ANO1: variants seen among roughly 807,000 people sequenced by gnomAD.
ANO1 encodes the protein anoctamin 1, also known as anoctamin-1.
A neutral mutation model predicts 124.0 loss-of-function variants in ANO1; 59 were observed. That is an observed-to-expected ratio of 0.48 (90% CI 0.39 to 0.59). The LOEUF (loss-of-function observed/expected upper bound fraction) is 0.59. Ranked by LOEUF, ANO1 falls within the 20% of genes least tolerant of loss-of-function variation. The probability of loss-of-function intolerance (pLI) is 0.00; values close to 1 mark genes in which losing one functional copy is unlikely to be tolerated. For missense variants in ANO1, 1,059 were observed against 1,328.0 expected, an observed-to-expected ratio of 0.80 and a Z score of 3.15; for synonymous variants, 529 against 532.0, an observed-to-expected ratio of 0.99 and a Z score of 0.08.
At chr11:70,152,379 C>T (rs2135647411) in intron 12 of ANO1, 71 bp from the exon 13 acceptor site, 2 of 1,303,868 alleles carry the variant, frequency 1.5e-6, no homozygotes, top group Admixed American at 1.9e-5. Flanking sequence ...TGGACAGGTC[C>T]TATTTCTAAA....
At chr11:70,112,882 A>G (rs2045843170) in intron 7 of ANO1, among the ~76,000 whole-genome samples, 1 of 152,168 alleles carries the variant, frequency 6.6e-6, no homozygotes, top group Non-Finnish European at 1.5e-5. Flanking sequence ...CTTGAGGAAG[A>G]AACAATGGAT....
intron 1 of ANO1, among the ~76,000 whole-genome samples, chr11:70,029,368 T>C (rs1555003555): frequency 1.3e-5 from 2 of 152,176 alleles, no homozygotes; most frequent in African/African-American, 4.8e-5. Flanking sequence ...GCTGACTCAT[T>C]CACAGCCCTC....
In ANO1 at chr11:70,065,684, C is replaced by T. The variant is rs138603726; in HGVS notation, c.59-12858C>T. 7.2e-4 allele frequency among the ~76,000 whole-genome samples: 110 copies of T among 152,242 alleles called. 1 individual carries two copies. Among genetic ancestry groups the T allele is most frequent in the African/African-American group, 2.5e-3 (102 of 41,528 alleles). On this transcript the variant is annotated intron_variant, in intron 1 of 27. Transcript: ENST00000531349. Reference sequence around the variant, plus strand: ...CAACCTCCTCTCTGCCCTTGTCCCCCGTCGTCCCCCTAGCTGGAGGGTGCC... The same window carrying T: ...CAACCTCCTCTCTGCCCTTGTCCCCTGTCGTCCCCCTAGCTGGAGGGTGCC...
At chr11:70,088,377 G>C (rs1340201516) in intron 2 of ANO1, among the ~76,000 whole-genome samples, 1 of 151,936 alleles carries the variant, frequency 6.6e-6, no homozygotes, top group African/African-American at 2.4e-5. Context: ...GGGCATGGTG[G>C]CATGTGTCTG....
chr11:70,161,428 G>A, intron 17 of ANO1, 66 bp downstream of exon 17: 3 of 1,551,326 alleles, frequency 1.9e-6, no homozygotes, highest in African/African-American at 2.7e-5. Flanking sequence ...GCCTCTTGCT[G>A]TGCATCCTTG....
In ANO1 at chr11:70,024,793, G is replaced by A. The variant is rs151113544; in HGVS notation, c.58+38627G>A. Among the ~76,000 whole-genome samples, 397 of 152,100 alleles carry A rather than the reference G, an allele frequency of 2.6e-3. 1 individual carries two copies. The highest frequency in any genetic ancestry group is 3.9e-3 in the Non-Finnish European group (268 of 67,980). ...TGGACAGACATAGGCGGATCCCACC[G>A]CCCGAGCTGCCTCCCCTGAAAGGAG... On this transcript the variant is annotated intron_variant, in intron 1 of 27. Coordinates refer to the ANO1 transcript ENST00000531349.
At chr11:70,114,279 T>TA (rs1215137861) in intron 7 of ANO1, among the ~76,000 whole-genome samples, 6 of 152,218 alleles carry the variant, frequency 3.9e-5, no homozygotes, top group Admixed American at 3.9e-4. Flanking sequence ...GGGTGGCAGG[T>TA]ATCCTTAGGG....
At chr11:70,098,447 C>T (rs1308628505) in intron 2 of ANO1, among the ~76,000 whole-genome samples, 1 of 152,222 alleles carries the variant, frequency 6.6e-6, no homozygotes. Context: ...TCCTGCCTGA[C>T]ACGGGAGGTG....
At chr11:70,049,875 C>T (rs1565168827) in intron 1 of ANO1, among the ~76,000 whole-genome samples, 3 of 152,192 alleles carry the variant, frequency 2.0e-5, no homozygotes, top group Admixed American at 2.0e-4. Context: ...TGCCCACCAC[C>T]ACGCCTGGCT....
At chr11:70,105,033 C>T (rs1188440593) in intron 4 of ANO1, among the ~76,000 whole-genome samples, 1 of 152,132 alleles carries the variant, frequency 6.6e-6, no homozygotes, top group Non-Finnish European at 1.5e-5. Context: ...AGATCCAGAA[C>T]AGGGGCTTGG....
Position 70,149,636 on chromosome 11 carries a change from G to A in ANO1, c.1259-74G>A. The A allele has an allele frequency of 2.7e-6, 4 of 1,473,622 alleles. No homozygotes were observed. In the South Asian group the frequency reaches 3.6e-5, roughly 13 times the overall value. The allele number at this position is 1,473,622 out of a possible 1,614,324, so 91.3% of individuals were successfully genotyped here. A position where few individuals can be genotyped will look rare whatever the true frequency, so the allele number is the denominator to read the frequency against. On this transcript the variant is annotated intron_variant, in intron 11 of 25. Transcript: ENST00000355303. ...TTGCACTACAGCCTGGGCAACAAGA[G>A]CAAAACTCTGTCTAAAAAAAAAAAA...
intron 1 of ANO1, among the ~76,000 whole-genome samples, chr11:70,014,015 GA>G (rs199952182): frequency 0.051 from 7,747 of 151,678 alleles, 659 homozygotes; most frequent in African/African-American, 0.17. Context: ...GAGAGAGAGA[GA>G]GAGATCTCTG....
intron 18 of ANO1, among the ~76,000 whole-genome samples, chr11:70,162,112 G>A (rs1263213842): frequency 2.8e-5 from 4 of 143,746 alleles, no homozygotes; most frequent in South Asian, 2.2e-4. Context: ...TGAGGGCCCC[G>A]GGCAGTGAGG....
In ANO1 at chr11:70,107,490, C is replaced by CGGGGGGGGG. The variant is rs1432604573; in HGVS notation, c.748-861_748-860insGGGGGGGGG. ...TTGGGACAGGTGGGTCCAGTGGAGG[C>CGGGGGGGGG]GGCGGGGCGGGGAAGCGGTCAGATG... On this transcript the variant is annotated intron_variant, in intron 5 of 25. Coordinates refer to ENST00000355303, the MANE Select transcript of ANO1 (RefSeq NM_018043.7). 2.1e-3 allele frequency among the ~76,000 whole-genome samples: 131 copies of CGGGGGGGGG among 63,752 alleles called. 3 individuals carry two copies. Among genetic ancestry groups the CGGGGGGGGG allele is most frequent in the African/African-American group, 4.8e-3 (76 of 15,926 alleles). 41.8% of individuals were successfully genotyped at this position (63,752 alleles called of 152,430 possible).
At chr11:70,030,291 C>A (rs1236295093) in intron 1 of ANO1, among the ~76,000 whole-genome samples, 1 of 152,180 alleles carries the variant, frequency 6.6e-6, no homozygotes, top group African/African-American at 2.4e-5. Context: ...GATGTGGCTG[C>A]CGGGGATGAG....
rs574700923 is a variant in ANO1 at position 70,171,173 on chromosome 11, G to C, written c.2350+134G>C. ...TGGGGCTCTTCACTCAGCCTTTGCC[G>C]GGTGGAGCCTGGGGGCAGGTGACAC... On this transcript the variant is annotated intron_variant, in intron 22 of 25. Coordinates refer to ENST00000355303, the MANE Select transcript of ANO1 (RefSeq NM_018043.7). 34 of 1,298,610 alleles carry C rather than the reference G, an allele frequency of 2.6e-5. No individual in the cohort carries two copies. In the South Asian group the frequency reaches 4.4e-4, roughly 17 times the overall value. 80.4% of individuals were successfully genotyped at this position (1,298,610 alleles called of 1,614,324 possible). A position where few individuals can be genotyped will look rare whatever the true frequency, so the allele number is the denominator to read the frequency against.
At chr11:69,970,601 T>C in the ANO1 span, among the ~76,000 whole-genome samples, 2 of 152,074 alleles carry the variant, frequency 1.3e-5, no homozygotes, top group African/African-American at 4.8e-5. Context: ...TCTGGGGCTG[T>C]TTTTTCATGT....
intron 2 of ANO1, among the ~76,000 whole-genome samples, chr11:70,090,394 A>G (rs142342234): frequency 3.0e-4 from 46 of 152,346 alleles, no homozygotes; most frequent in African/African-American, 1.1e-3. Flanking sequence ...TCTGGGGTCT[A>G]GTAATTCTGA....
chr11:70,163,272 C>G lies in ANO1; in HGVS notation c.1893-11C>G, dbSNP rs1219804201. On this transcript the variant is annotated splice_polypyrimidine_tract_variant and intron_variant, in intron 18 of 25. Transcript: ENST00000355303. ...TCATCTTTTCTCTAACGACCTCCCCCATCGTTTCAGGTTTGTTGGACGCCC... is the reference window on the plus strand; with the variant it reads ...TCATCTTTTCTCTAACGACCTCCCCGATCGTTTCAGGTTTGTTGGACGCCC... 1.2e-6 allele frequency: 2 copies of G among 1,612,864 alleles called. No individual in the cohort carries two copies. Among genetic ancestry groups the G allele is most frequent in the Admixed American group, 3.3e-5 (2 of 59,962 alleles).
Sources: gnomAD v4.1 joint callset for allele counts (sites outside exome capture counted in the v4.1 genomes callset) on GRCh38, gnomAD v4.1.1 for gene constraint, MANE v1.5 for transcripts, NCBI Gene and HGNC (gene_info 2026-07-23, HGNC 2026-07-21) for gene names.